The following CIMAP1C variants were observed in gnomAD, a reference collection of about 807,000 sequenced individuals.
CIMAP1C encodes the protein outer dense fiber of sperm tails 3 like 1.
At chr15:75,727,509 T>C in the CIMAP1C span, 2 of 1,602,346 alleles carry the variant, frequency 1.2e-6, no homozygotes, top group Non-Finnish European at 1.7e-6. Context: ...TCACTCCACC[T>C]GTGCCCACTG....
the CIMAP1C span, chr15:75,724,273 G>A: frequency 1.2e-6 from 2 of 1,614,044 alleles, no homozygotes; most frequent in South Asian, 2.2e-5. Context: ...TTGCCCTCAA[G>A]GCAGGAGGTC....
At chr15:75,726,178 T>C in the CIMAP1C span, 1 of 1,307,888 alleles carries the variant, frequency 7.6e-7, no homozygotes, top group Non-Finnish European at 1.1e-6. Context: ...CTGCGTAAGA[T>C]GGGGTTATGG....
chr15:75,726,735 C>T, the CIMAP1C span, among the ~76,000 whole-genome samples: 2 of 152,080 alleles, frequency 1.3e-5, no homozygotes, highest in African/African-American at 4.8e-5. Flanking sequence ...CCTGCCTCAG[C>T]CTTCTGAATA....
chr15:75,724,330 C>T, the CIMAP1C span: 1 of 1,579,502 alleles, frequency 6.3e-7, no homozygotes, highest in South Asian at 1.1e-5. Context: ...GAGAGCCATC[C>T]CCACCCTGGG....
the CIMAP1C span, chr15:75,725,359 G>C: frequency 1.5e-6 from 1 of 673,718 alleles, no homozygotes; most frequent in Admixed American, 2.3e-5. Context: ...AAGCCAGCGG[G>C]GATTGAGGGT....
At chr15:75,726,041 CCTTGG>C in the CIMAP1C span, 2 of 1,581,380 alleles carry the variant, frequency 1.3e-6, no homozygotes, top group Non-Finnish European at 1.7e-6. Context: ...CAGGCCCTCT[CCTTGG>C]TTGCCCTGCA....
At chr15:75,726,028 G>A in the CIMAP1C span, 4 of 1,509,536 alleles carry the variant, frequency 2.6e-6, no homozygotes, top group Non-Finnish European at 3.7e-6. Flanking sequence ...CTTTGGGGCT[G>A]ACCAGGCCCT....
the CIMAP1C span, among the ~76,000 whole-genome samples, chr15:75,725,508 G>A: frequency 6.6e-6 from 1 of 152,190 alleles, no homozygotes; most frequent in Admixed American, 6.5e-5. Flanking sequence ...GCCATGCTCT[G>A]CTAGGGTCAC....
At chr15:75,725,295 T>C in the CIMAP1C span, 1 of 1,131,084 alleles carries the variant, frequency 8.8e-7, no homozygotes. Flanking sequence ...ATGGAGCCAT[T>C]CTCTGTAGCC....
At chr15:75,727,555 C>T in the CIMAP1C span, 5 of 1,549,250 alleles carry the variant, frequency 3.2e-6, no homozygotes, top group Non-Finnish European at 4.4e-6. Context: ...CCTCTTGGGG[C>T]ACTCACTGCC....
the CIMAP1C span, chr15:75,725,065 C>A: frequency 7.1e-7 from 1 of 1,399,202 alleles, no homozygotes; most frequent in Non-Finnish European, 1.0e-6. Context: ...CTGCCTCTGA[C>A]CTGGTGGGCC....
At chr15:75,724,400 C>A in the CIMAP1C span, 1 of 930,386 alleles carries the variant, frequency 1.1e-6, no homozygotes, top group South Asian at 1.4e-5. Context: ...AAAGCCCCTT[C>A]CAACTTCCTT....
chr15:75,727,162 CAG>C, the CIMAP1C span: 9 of 1,614,138 alleles, frequency 5.6e-6, no homozygotes, highest in Non-Finnish European at 7.6e-6. Flanking sequence ...GGCGCCCATA[CAG>C]AGTGATGGAC....
At chr15:75,724,859 C>T in the CIMAP1C span, among the ~76,000 whole-genome samples, 1 of 152,236 alleles carries the variant, frequency 6.6e-6, no homozygotes, top group Non-Finnish European at 1.5e-5. Context: ...GAACCTGGAG[C>T]AGAATAAGTT....
chr15:75,726,979 C>A, the CIMAP1C span: 1 of 1,538,326 alleles, frequency 6.5e-7, no homozygotes, highest in Non-Finnish European at 8.8e-7. Context: ...CAGTGGATAA[C>A]CAGGACCATC....
At chr15:75,727,247 C>T in the CIMAP1C span, 1 of 1,614,188 alleles carries the variant, frequency 6.2e-7, no homozygotes, top group South Asian at 1.1e-5. Flanking sequence ...CCGAGCTGCT[C>T]CCTGCTACAG....
At chr15:75,727,542 G>A in the CIMAP1C span, 24 of 1,570,688 alleles carry the variant, frequency 1.5e-5, no homozygotes, top group Non-Finnish European at 2.0e-5. Context: ...CGTGACTGAG[G>A]CCCCTCTTGG....
chr15:75,726,084 C>A, the CIMAP1C span: 1 of 1,613,660 alleles, frequency 6.2e-7, no homozygotes, highest in Non-Finnish European at 8.5e-7. Context: ...CAGCCCTGGG[C>A]CTTGCTATCT....
At chr15:75,724,780 CA>C in the CIMAP1C span, among the ~76,000 whole-genome samples, 1 of 152,278 alleles carries the variant, frequency 6.6e-6, no homozygotes, top group South Asian at 2.1e-4. Flanking sequence ...ATGGGAAAAA[CA>C]AGAGCATTTA....
Sources: allele counts gnomAD v4.1 joint callset (sites outside exome capture counted in the v4.1 genomes callset), GRCh38; gene constraint gnomAD v4.1.1; transcripts MANE v1.5; gene names NCBI Gene and HGNC (gene_info 2026-07-23, HGNC 2026-07-21).